NLGN4Y: variants seen among roughly 807,000 people sequenced by gnomAD.
NLGN4Y encodes neuroligin 4 Y-linked.
NLGN4Y carries 4 observed loss-of-function variants against 8.4 expected under a neutral mutation model. That is an observed-to-expected ratio of 0.48 (90% CI 0.23 to 1.09). The LOEUF is 1.09. Ranked by LOEUF, NLGN4Y falls within the 50% of genes least tolerant of loss-of-function variation. The probability of loss-of-function intolerance (pLI) is 0.19; values close to 1 mark genes in which losing one functional copy is unlikely to be tolerated. For missense variants in NLGN4Y, 90 were observed against 192.3 expected (o/e 0.47, Z 3.15); for synonymous variants, 35 against 75.6 (o/e 0.46, Z 2.78).
At chrY:14,809,958 C>A (rs765809131) in intron 4 of NLGN4Y, among the ~76,000 whole-genome samples, 1 of 33,352 alleles carries the variant, frequency 3.0e-5, no homozygotes, top group East Asian at 8.0e-4. Context: ...AGCATTAGGA[C>A]TCCTAGGTCA....
chrY:14,742,092 G>A, intron 4 of NLGN4Y, among the ~76,000 whole-genome samples: 1 of 33,727 alleles, frequency 3.0e-5, no homozygotes, highest in Non-Finnish European at 7.4e-5. Context: ...TCCTGGAAAT[G>A]CAGAGAAAAA....
chrY:14,558,453 G>A (rs2080216757), intron 1 of NLGN4Y, among the ~76,000 whole-genome samples: 1 of 33,097 alleles, frequency 3.0e-5, no homozygotes, highest in Non-Finnish European at 7.4e-5. Flanking sequence ...TTAATATGGT[G>A]TGAAGAGGCA....
intron 2 of NLGN4Y, among the ~76,000 whole-genome samples, chrY:14,670,022 T>C (rs909859619): frequency 1.2e-4 from 4 of 34,537 alleles, no homozygotes; most frequent in Non-Finnish European, 2.2e-4. Context: ...TTAAAAATGT[T>C]CCATGCATGG....
At chrY:14,600,764 G>A in intron 1 of NLGN4Y, among the ~76,000 whole-genome samples, 1 of 32,739 alleles carries the variant, frequency 3.1e-5, no homozygotes, top group Non-Finnish European at 7.5e-5. Flanking sequence ...TATATTTGTG[G>A]GTTATATGAG....
intron 2 of NLGN4Y, among the ~76,000 whole-genome samples, chrY:14,669,463 T>C (rs1023140539): frequency 1.8e-4 from 6 of 33,803 alleles, no homozygotes; most frequent in Non-Finnish European, 2.9e-4. Flanking sequence ...TCATTAATAA[T>C]GTTTAAAAGT....
chrY:14,749,198 AT>A (rs1171258242), intron 4 of NLGN4Y, among the ~76,000 whole-genome samples: 5 of 32,872 alleles, frequency 1.5e-4, no homozygotes, highest in Non-Finnish European at 3.7e-4. Flanking sequence ...GCAACTGAAA[AT>A]TTTTGCATGC....
intron 4 of NLGN4Y, 75 bp from the exon 5 acceptor site, chrY:14,824,113 G>A: frequency 6.3e-6 from 2 of 315,485 alleles, no homozygotes; most frequent in South Asian, 3.3e-5. Context: ...GGCAAGCTAT[G>A]AGATAACTTT....
At chrY:14,667,599 C>CAGTAA (rs2080697051) in intron 2 of NLGN4Y, among the ~76,000 whole-genome samples, 1 of 33,757 alleles carries the variant, frequency 3.0e-5, no homozygotes, top group Non-Finnish European at 7.4e-5. Flanking sequence ...TACTGCATTT[C>CAGTAA]ATGCTTAGGT....
chrY:14,608,172 T>C (rs2150501226), intron 1 of NLGN4Y, among the ~76,000 whole-genome samples: 1 of 33,672 alleles, frequency 3.0e-5, no homozygotes, highest in East Asian at 7.9e-4. Context: ...GCCTGTTAAC[T>C]CTGATGATAG....
At chrY:14,589,819 C>T (rs756208279) in intron 1 of NLGN4Y, among the ~76,000 whole-genome samples, 1 of 34,496 alleles carries the variant, frequency 2.9e-5, no homozygotes, top group South Asian at 6.3e-4. Context: ...TGGGACTAGG[C>T]GCTGTGGAGC....
chrY:14,588,875 C>T (rs775079147), intron 1 of NLGN4Y, among the ~76,000 whole-genome samples: 3 of 31,964 alleles, frequency 9.4e-5, no homozygotes, highest in South Asian at 7.7e-4. Flanking sequence ...TGCAGACCTT[C>T]GCGGTGAGTG....
chrY:14,781,725 A>G (rs2150576644), intron 4 of NLGN4Y, among the ~76,000 whole-genome samples: 1 of 33,632 alleles, frequency 3.0e-5, no homozygotes, highest in South Asian at 6.8e-4. Flanking sequence ...ACTTAAATTA[A>G]TTTATGAACA....
At chrY:14,740,948 G>A in intron 4 of NLGN4Y, among the ~76,000 whole-genome samples, 1 of 32,456 alleles carries the variant, frequency 3.1e-5, no homozygotes, top group African/African-American at 1.2e-4. Context: ...GTGTTGTCCA[G>A]GCTGGAGTGC....
intron 2 of NLGN4Y, among the ~76,000 whole-genome samples, chrY:14,673,437 A>C: frequency 1.5e-4 from 5 of 34,008 alleles, no homozygotes; most frequent in Admixed American, 1.3e-3. Flanking sequence ...AATGCTCATC[A>C]TCACTGGCCA....
At chrY:14,731,893 CA>C (rs771523543) in intron 4 of NLGN4Y, among the ~76,000 whole-genome samples, 6 of 31,844 alleles carry the variant, frequency 1.9e-4, no homozygotes, top group African/African-American at 6.1e-4. Context: ...CTTTCCCCCC[CA>C]AAAAAAATGG....
chrY:14,755,351 C>A (rs2081053149), intron 4 of NLGN4Y, among the ~76,000 whole-genome samples: 1 of 33,468 alleles, frequency 3.0e-5, no homozygotes. Flanking sequence ...TTACTTCAGG[C>A]CTTTCTGCTG....
At chrY:14,709,027 C>G in intron 2 of NLGN4Y, among the ~76,000 whole-genome samples, 2 of 33,060 alleles carry the variant, frequency 6.0e-5, no homozygotes, top group Middle Eastern at 0.014. Context: ...GGAAACTTGT[C>G]AGAGTTGCAT....
intron 2 of NLGN4Y, among the ~76,000 whole-genome samples, chrY:14,695,124 C>T: frequency 3.0e-5 from 1 of 33,795 alleles, no homozygotes; most frequent in Non-Finnish European, 7.4e-5. Flanking sequence ...TTACACACCA[C>T]AGAAAGGTTT....
intron 2 of NLGN4Y, among the ~76,000 whole-genome samples, chrY:14,631,988 A>G: frequency 8.8e-5 from 3 of 33,977 alleles, no homozygotes; most frequent in Admixed American, 8.1e-4. Flanking sequence ...TGTCTAAAAT[A>G]GAGGTAGCTG....
Sources: gnomAD v4.1 joint callset for allele counts (sites outside exome capture counted in the v4.1 genomes callset) on GRCh38, gnomAD v4.1.1 for gene constraint, MANE v1.5 for transcripts, NCBI Gene and HGNC (gene_info 2026-07-23, HGNC 2026-07-21) for gene names.